Variants in DCDC2 observed in about 807,000 individuals in gnomAD.
DCDC2 encodes doublecortin domain containing 2, also known as doublecortin domain-containing protein 2.
DCDC2 carries 40 observed loss-of-function variants against 50.2 expected under a neutral mutation model. The observed-to-expected ratio is 0.80, with a 90% CI of 0.62 to 1.04. DCDC2 has a LOEUF of 1.04. DCDC2 is among the 50% of genes least tolerant of loss of function. The pLI is 0.00. For missense variants in DCDC2, 570 were observed against 581.9 expected (o/e 0.98, Z 0.21); for synonymous variants, 234 against 210.6 (o/e 1.11, Z -0.96).
chr6:24,354,290 T>A (rs1335657785), intron 1 of DCDC2, among the ~76,000 whole-genome samples: 1 of 152,152 alleles, frequency 6.6e-6, no homozygotes, highest in Admixed American at 6.5e-5. Flanking sequence ...TGTGATGTGG[T>A]TCCAGTTTTA....
chr6:24,303,578 T>C (rs1350655809), intron 2 of DCDC2, among the ~76,000 whole-genome samples: 3 of 152,208 alleles, frequency 2.0e-5, no homozygotes, highest in Non-Finnish European at 2.9e-5. Context: ...ACAGCTACTA[T>C]AGTATTGATT....
chr6:24,345,779 T>C (rs896954338), intron 2 of DCDC2, among the ~76,000 whole-genome samples: 4 of 152,214 alleles, frequency 2.6e-5, no homozygotes. Context: ...TTGAGAGTTA[T>C]TGATGGATAT....
upstream of DCDC2, chr6:24,358,099 C>G (rs1581670408): frequency 6.2e-6 from 4 of 641,622 alleles, no homozygotes; most frequent in East Asian, 1.1e-4. Flanking sequence ...CAAACAGGCA[C>G]GCCTAGTGAG....
chr6:24,289,278 G>A (rs891117627), intron 5 of DCDC2, among the ~76,000 whole-genome samples: 2 of 152,104 alleles, frequency 1.3e-5, no homozygotes, highest in East Asian at 1.9e-4. Flanking sequence ...AATTTCCTTC[G>A]TTTCTATGAT....
chr6:24,196,296 C>T (rs1761437928), intron 8 of DCDC2, among the ~76,000 whole-genome samples: 1 of 151,904 alleles, frequency 6.6e-6, no homozygotes, highest in Non-Finnish European at 1.5e-5. Context: ...GCATTTAAGT[C>T]CCATTTCCTC....
chr6:24,299,528 G>T (rs1759327893), intron 4 of DCDC2, among the ~76,000 whole-genome samples: 1 of 152,032 alleles, frequency 6.6e-6, no homozygotes, highest in Non-Finnish European at 1.5e-5. Flanking sequence ...AAATTAAGTT[G>T]GGAACACTCA....
At position 24,336,621 on chromosome 6, in the gene DCDC2, GCATTTA is replaced by G. The variant is rs1053232073; in HGVS notation, c.348+16942_348+16947del. On this transcript the variant is annotated intron_variant, in intron 2 of 9. Transcript: ENST00000378454. Reference sequence around the variant, plus strand: ...TGTAGAGGGATTTGTAGCTGACCAAGCATTTACATTTACATTTACATTTAATGTGCA... The same window carrying G: ...TGTAGAGGGATTTGTAGCTGACCAAGCATTTACATTTACATTTAATGTGCA... Among the ~76,000 whole-genome samples, 20 of 152,084 alleles carry G rather than the reference GCATTTA, an allele frequency of 1.3e-4. 1 individual carries two copies. Among genetic ancestry groups the G allele is most frequent in the African/African-American group, 3.6e-4 (15 of 41,410 alleles).
chr6:24,301,243 C>T (rs1178652933), intron 4 of DCDC2, among the ~76,000 whole-genome samples: 39 of 151,668 alleles, frequency 2.6e-4, no homozygotes, highest in Admixed American at 1.9e-3. Context: ...TGGTGGTGGG[C>T]GCCTGTGGTC....
chr6:24,178,365 T>C lies in DCDC2; in HGVS notation c.1291A>G (p.Arg431Gly), dbSNP rs756984644. Residue 431 changes from arginine to glycine, a missense_variant, in exon 9 of 10, where the codon AGA becomes GGA. Coordinates refer to ENST00000378454, the MANE Select transcript of DCDC2 (RefSeq NM_016356.5). ...CCACTGCCAGCTCCTTGAGACTTTC[T>C]TTCCTTGTCTAGGACCAGTTGAAGC... ...NELQLVLDKE[R>G]KSQGAGSGQD... 2.5e-6 allele frequency: 4 copies of C among 1,613,934 alleles called. No individual in the cohort carries two copies. The highest frequency in any genetic ancestry group is 2.7e-5 in the African/African-American group (2 of 74,934).
intron 2 of DCDC2, among the ~76,000 whole-genome samples, chr6:24,318,781 G>A (rs1759717993): frequency 1.4e-5 from 1 of 70,252 alleles, no homozygotes; most frequent in South Asian, 6.4e-4. Context: ...ATATACGTAC[G>A]TGTGTGTGTG....
chr6:24,368,828 A>G, the DCDC2 span, among the ~76,000 whole-genome samples: 3 of 152,354 alleles, frequency 2.0e-5, no homozygotes, highest in South Asian at 6.2e-4. Context: ...TATGATTCAT[A>G]TAGAACTAGA....
chr6:24,363,061 C>T, the DCDC2 span, among the ~76,000 whole-genome samples: 2 of 152,102 alleles, frequency 1.3e-5, no homozygotes, highest in Non-Finnish European at 2.9e-5. Context: ...CAGATGGATG[C>T]AAGGGAATGT....
chr6:24,212,804 T>A (rs568744265), intron 7 of DCDC2, among the ~76,000 whole-genome samples: 1 of 152,312 alleles, frequency 6.6e-6, no homozygotes, highest in Admixed American at 6.5e-5. Context: ...TTTTCACTTA[T>A]CCCTTATGAA....
intron 7 of DCDC2, among the ~76,000 whole-genome samples, chr6:24,249,163 G>T (rs1391976356): frequency 3.0e-4 from 1 of 3,308 alleles, no homozygotes; most frequent in East Asian, 0.056. Flanking sequence ...CCTAAACAAA[G>T]GAATTAGAGT....
intron 8 of DCDC2, among the ~76,000 whole-genome samples, chr6:24,185,067 A>T (rs1042323776): frequency 3.3e-5 from 5 of 152,236 alleles, no homozygotes; most frequent in African/African-American, 1.2e-4. Context: ...ATACCTAAAA[A>T]TGGCAAAATA....
chr6:24,192,429 C>G (rs1002181062), intron 8 of DCDC2, among the ~76,000 whole-genome samples: 1 of 150,814 alleles, frequency 6.6e-6, no homozygotes, highest in African/African-American at 2.4e-5. Context: ...ACTCTCAAAT[C>G]TAACCAGACA....
intron 7 of DCDC2, among the ~76,000 whole-genome samples, chr6:24,247,668 C>T (rs6923278): frequency 0.14 from 21,371 of 152,168 alleles, 1,773 homozygotes; most frequent in African/African-American, 0.23. Flanking sequence ...ATCTTTATCA[C>T]GCACATGAAG....
chr6:24,312,198 T>G (rs1022343371), intron 2 of DCDC2, among the ~76,000 whole-genome samples: 3 of 139,482 alleles, frequency 2.2e-5, no homozygotes, highest in Admixed American at 7.7e-5. Flanking sequence ...CCTGTAAAAC[T>G]GCCTCACCCC....
rs1015049005 is a variant in DCDC2 at position 24,291,052 on chromosome 6, A to G, written c.584T>C (p.Val195Ala). Reference sequence around the variant, plus strand: ...ATTCTCCAACTCTGCTCCACTCTCAACAAGTTTTCCTTCTAAAGTATAAAG... The same window carrying G: ...ATTCTCCAACTCTGCTCCACTCTCAGCAAGTTTTCCTTCTAAAGTATAAAG... ...HRLYTLEGKL[V>A]ESGAELENGQ... The change falls in exon 5 of 10, where the codon GTT (valine) becomes GCT (alanine). Residue 195 changes from valine (V) to alanine (A), a missense_variant. Val to Ala is a moderately conservative substitution (Grantham distance 64). Coordinates refer to ENST00000378454, the MANE Select transcript of DCDC2 (RefSeq NM_016356.5). 3.7e-6 allele frequency: 6 copies of G among 1,613,420 alleles called. No individual in the cohort carries two copies. In the South Asian group the frequency reaches 6.6e-5, roughly 18 times the overall value.
Sources: gnomAD v4.1 joint callset for allele counts (sites outside exome capture counted in the v4.1 genomes callset) on GRCh38, gnomAD v4.1.1 for gene constraint, MANE v1.5 for transcripts, NCBI Gene and HGNC (gene_info 2026-07-23, HGNC 2026-07-21) for gene names.